ASB3: variants seen among roughly 807,000 people sequenced by gnomAD.
The protein encoded by ASB3 is ankyrin repeat and SOCS box protein 3.
ASB3 carries 41 observed loss-of-function variants against 54.5 expected under a neutral mutation model. The observed-to-expected ratio is 0.75, with a 90% CI of 0.59 to 0.98. The LOEUF is 0.98. Among genes scored for constraint, ASB3 ranks in the 50% least tolerant of loss-of-function variants. ASB3 has a pLI of 0.00. For missense variants in ASB3, 733 were observed against 620.0 expected (o/e 1.18, Z -1.94); for synonymous variants, 266 against 221.2 (o/e 1.20, Z -1.80).
At chr2:53,706,185 T>C (rs1669758532) in intron 7 of ASB3, among the ~76,000 whole-genome samples, 1 of 152,202 alleles carries the variant, frequency 6.6e-6, no homozygotes, top group African/African-American at 2.4e-5. Flanking sequence ...CACACAGCCA[T>C]TATACATCTG....
intron 9 of ASB3, 108 bp from the exon 10 acceptor site, chr2:53,670,798 T>G: frequency 7.8e-7 from 1 of 1,286,030 alleles, no homozygotes; most frequent in Non-Finnish European, 1.1e-6. Flanking sequence ...AAGTGATATA[T>G]TGCTTGAAAG....
At chr2:53,700,219 G>T in intron 8 of ASB3, 52 bp downstream of exon 8, 2 of 1,561,150 alleles carry the variant, frequency 1.3e-6, no homozygotes, top group South Asian at 1.2e-5. Flanking sequence ...GGAAATTAAA[G>T]GTAGTATATT....
chr2:53,670,292 A>ATTTT lies in ASB3; in HGVS notation c.*207_*210dup, dbSNP rs757738523. 14 of 178,734 alleles carry ATTTT rather than the reference A, an allele frequency of 7.8e-5. No homozygotes were observed. Among genetic ancestry groups the ATTTT allele is most frequent in the African/African-American group, 1.2e-4 (4 of 33,078 alleles). The allele number at this position is 178,734 out of a possible 1,614,324, so 11.1% of individuals were successfully genotyped here. On this transcript the variant is annotated 3_prime_UTR_variant, in exon 10 of 10. Coordinates refer to ENST00000263634, the MANE Select transcript of ASB3 (RefSeq NM_016115.5). Reference sequence around the variant, plus strand: ...TAAAGTAATATAAGTGATGTTTACAATTTTTTTTTTTTTTTTTTTTTTTTT... The same window carrying ATTTT: ...TAAAGTAATATAAGTGATGTTTACAATTTTTTTTTTTTTTTTTTTTTTTTTTTTT...
intron 9 of ASB3, among the ~76,000 whole-genome samples, chr2:53,680,501 G>A (rs377559836): frequency 2.0e-5 from 3 of 152,052 alleles, no homozygotes; most frequent in African/African-American, 4.8e-5. Flanking sequence ...CAGTGATGTC[G>A]AACTTTTTTT....
intron 5 of ASB3, among the ~76,000 whole-genome samples, chr2:53,724,353 A>C (rs1186034681): frequency 6.6e-6 from 1 of 152,206 alleles, no homozygotes; most frequent in African/African-American, 2.4e-5. Flanking sequence ...TAATCTCAGC[A>C]CTTTGGAGGC....
At chr2:53,761,705 T>C (rs1194023007) in intron 2 of ASB3, among the ~76,000 whole-genome samples, 1 of 152,246 alleles carries the variant, frequency 6.6e-6, no homozygotes, top group East Asian at 1.9e-4. Context: ...TCAGCTCCCA[T>C]AATTACATTA....
At chr2:53,730,971 T>C (rs1671273934) in intron 3 of ASB3, among the ~76,000 whole-genome samples, 1 of 152,162 alleles carries the variant, frequency 6.6e-6, no homozygotes, top group South Asian at 2.1e-4. Flanking sequence ...ATAAAAATCC[T>C]TAAAAGTGTA....
chr2:53,773,121 C>T (rs964305834), intron 1 of ASB3, among the ~76,000 whole-genome samples: 5 of 152,034 alleles, frequency 3.3e-5, no homozygotes, highest in African/African-American at 9.7e-5. Flanking sequence ...ATAATTGATA[C>T]TACGAAAAGC....
rs76647378 is a variant in ASB3, at chr2:53,766,535, T to C, written c.-13-950A>G. 9.4e-3 allele frequency among the ~76,000 whole-genome samples: 1,439 copies of C among 152,306 alleles called. 19 individuals are homozygous for C. The highest frequency in any genetic ancestry group is 0.033 in the African/African-American group (1,373 of 41,580). On this transcript the variant is annotated intron_variant, in intron 1 of 9. Coordinates refer to ENST00000263634, the MANE Select transcript of ASB3 (RefSeq NM_016115.5). ...AATGTCCTTATTCTTATGAGACACA[T>C]GTAGAGTATGTGGCAGTAAAATGTC...
chr2:53,729,549 T>A lies in ASB3; in HGVS notation c.377A>T (p.Asp126Val). ...LFLAVENGQI[D>V]VLRLLLQHGA... ...GTGTTGAAGCAACAGCCTTAACACA[T>A]CTATCTGTCCATTTTCAACAGCTGT... Residue 126 changes from aspartate (D) to valine (V), a missense_variant, in exon 4 of 10, where the codon GAT (aspartate) becomes GTT (valine). Transcript: ENST00000263634. 1 of 1,613,816 alleles carries A rather than the reference T, an allele frequency of 6.2e-7. No homozygotes were observed. The highest frequency in any genetic ancestry group is 8.5e-7 in the Non-Finnish European group (1 of 1,179,752).
In ASB3 at chr2:53,728,769, A is replaced by C; in HGVS notation, c.547T>G (p.Leu183Val). 5 of 1,612,754 alleles carry C rather than the reference A, an allele frequency of 3.1e-6. No individual in the cohort carries two copies. Among genetic ancestry groups the C allele is most frequent in the Non-Finnish European group, 4.2e-6 (5 of 1,179,320 alleles). ...ECQDDFGITP[L>V]FVAAQYGKLE... ...TTGCCATACTGAGCAGCCACAAATA[A>C]AGGTGTGATTCCAAAGTCATCCTGG... The change falls in exon 5 of 10, where the codon TTA becomes GTA. Residue 183 changes from leucine (L) to valine (V), a missense_variant. Transcript: ENST00000263634.
At position 53,726,257 on chromosome 2, in the gene ASB3, A is replaced by ATTT. The variant is rs35225840; in HGVS notation, c.604+2452_604+2454dup. Among the ~76,000 whole-genome samples the ATTT allele has an allele frequency of 6.6e-3, 897 of 135,474 alleles. 9 individuals are homozygous for ATTT. The highest frequency in any genetic ancestry group is 0.023 in the African/African-American group (837 of 36,376). The allele number at this position is 135,474 out of a possible 152,430, so 88.9% of individuals were successfully genotyped here. ...GTGCAGTTTAATCTATTTAATCTAA[A>ATTT]TTTTTTTTTTTTTTTTTTTGGGAGA... is the stretch of plus-strand genomic sequence containing the variant. On this transcript the variant is annotated intron_variant, in intron 5 of 9. Coordinates refer to ENST00000263634, the MANE Select transcript of ASB3 (RefSeq NM_016115.5).
chr2:53,724,101 A>G (rs1194681741), intron 5 of ASB3, among the ~76,000 whole-genome samples: 1 of 152,222 alleles, frequency 6.6e-6, no homozygotes, highest in Non-Finnish European at 1.5e-5. Flanking sequence ...GACCTAATTA[A>G]TCTCTTTAGA....
intron 9 of ASB3, among the ~76,000 whole-genome samples, chr2:53,676,716 T>C (rs1668098584): frequency 6.6e-6 from 1 of 152,194 alleles, no homozygotes; most frequent in Non-Finnish European, 1.5e-5. Flanking sequence ...GTTCCATTCC[T>C]AGTAAGTGCC....
At chr2:53,722,318 T>C (rs1249796424) in intron 5 of ASB3, among the ~76,000 whole-genome samples, 1 of 152,142 alleles carries the variant, frequency 6.6e-6, no homozygotes, top group African/African-American at 2.4e-5. Context: ...CCTCCCTAAC[T>C]TGTTCTACAA....
chr2:53,722,657 A>C (rs1209894487), intron 5 of ASB3, among the ~76,000 whole-genome samples: 2 of 152,192 alleles, frequency 1.3e-5, no homozygotes, highest in Non-Finnish European at 2.9e-5. Context: ...CAAACAAAAC[A>C]AAACCCTCAA....
intron 3 of ASB3, among the ~76,000 whole-genome samples, chr2:53,742,589 T>C (rs1348887403): frequency 6.6e-6 from 1 of 151,440 alleles, no homozygotes; most frequent in Non-Finnish European, 1.5e-5. Flanking sequence ...AAGTGCTCAG[T>C]AAAAAAATGG....
intron 8 of ASB3, 75 bp from the exon 9 acceptor site, chr2:53,694,089 T>C (rs955770522): frequency 8.0e-6 from 12 of 1,509,288 alleles, no homozygotes; most frequent in Non-Finnish European, 1.1e-5. Flanking sequence ...AAACACCACA[T>C]ACCTATTCTT....
chr2:53,750,414 A>C (rs1205347872), intron 3 of ASB3, among the ~76,000 whole-genome samples: 1 of 152,134 alleles, frequency 6.6e-6, no homozygotes, highest in Non-Finnish European at 1.5e-5. Flanking sequence ...AAAGCTTCTT[A>C]ATTTTTTAAT....
Sources: gnomAD v4.1 joint callset for allele counts (sites outside exome capture counted in the v4.1 genomes callset) on GRCh38, gnomAD v4.1.1 for gene constraint, MANE v1.5 for transcripts, NCBI Gene and HGNC (gene_info 2026-07-23, HGNC 2026-07-21) for gene names.